Variants in SMARCA2 observed in about 807,000 individuals in gnomAD.
The protein encoded by SMARCA2 is SWI/SNF related BAF chromatin remodeling complex subunit ATPase 2.
SMARCA2 carries 61 observed loss-of-function variants against 199.8 expected under a neutral mutation model. The observed-to-expected ratio is 0.31, with a 90% CI of 0.25 to 0.38. SMARCA2 has a LOEUF of 0.38. Among genes scored for constraint, SMARCA2 ranks in the 10% least tolerant of loss-of-function variants. The pLI is 1.00. For synonymous variants in SMARCA2, 935 were observed against 732.0 expected (o/e 1.28, Z -4.48); for missense variants, 1,344 against 2,012.2 (o/e 0.67, Z 6.35).
intron 5 of SMARCA2, among the ~76,000 whole-genome samples, chr9:2,048,238 A>G (rs1318660249): frequency 3.9e-5 from 6 of 152,158 alleles, no homozygotes; most frequent in Non-Finnish European, 5.9e-5. Context: ...TGTCAACCCA[A>G]AAGGGAGTCC....
intron 2 of SMARCA2, 44 bp downstream of exon 2, chr9:2,029,291 G>A (rs755552394): frequency 6.4e-7 from 1 of 1,570,512 alleles, no homozygotes; most frequent in South Asian, 1.2e-5. Flanking sequence ...CTGATAAGTG[G>A]ATGGCTAATA....
intron 31 of SMARCA2, among the ~76,000 whole-genome samples, chr9:2,182,980 G>A (rs1026789150): frequency 6.6e-6 from 1 of 151,672 alleles, no homozygotes; most frequent in South Asian, 2.1e-4. Context: ...TAGTAGAGAC[G>A]GGGTTTCACC....
chr9:2,130,516 T>C (rs1197975887), intron 27 of SMARCA2, among the ~76,000 whole-genome samples: 2 of 152,214 alleles, frequency 1.3e-5, no homozygotes, highest in African/African-American at 2.4e-5. Context: ...CTCAAGGCAA[T>C]GAGTAACTCT....
intron 10 of SMARCA2, among the ~76,000 whole-genome samples, chr9:2,071,159 G>C (rs1821070184): frequency 6.6e-6 from 1 of 152,160 alleles, no homozygotes; most frequent in Admixed American, 6.5e-5. Flanking sequence ...AAACCTACTT[G>C]GAGGATCAGA....
intron 29 of SMARCA2, among the ~76,000 whole-genome samples, chr9:2,171,422 C>A (rs1342250433): frequency 6.6e-6 from 1 of 152,140 alleles, no homozygotes; most frequent in Non-Finnish European, 1.5e-5. Flanking sequence ...TTGTGGTATT[C>A]TTCTTTATAT....
chr9:2,123,963 C>A lies in SMARCA2; in HGVS notation c.3981+26C>A. The A allele has an allele frequency of 6.5e-7, 1 of 1,532,306 alleles. No homozygotes were observed. Among genetic ancestry groups the A allele is most frequent in the South Asian group, 1.2e-5 (1 of 83,624 alleles). The allele number at this position is 1,532,306 out of a possible 1,614,324, so 94.9% of individuals were successfully genotyped here. On this transcript the variant is annotated intron_variant, in intron 27 of 33. Coordinates refer to ENST00000349721, the MANE Select transcript of SMARCA2 (RefSeq NM_003070.5). This position sits in a 1 kb window ranked among gnomAD's most constrained non-coding sequence, Gnocchi z 4.1. ...GTAAGCCTAGCTTTTCTAACCCGCTCTCACTAGGTGGAGGGTTTTTGGTGG... is the reference window on the plus strand; with the variant it reads ...GTAAGCCTAGCTTTTCTAACCCGCTATCACTAGGTGGAGGGTTTTTGGTGG...
chr9:2,175,817 G>A (rs1300463196), intron 29 of SMARCA2, among the ~76,000 whole-genome samples: 3 of 151,906 alleles, frequency 2.0e-5, no homozygotes, highest in African/African-American at 7.3e-5. Flanking sequence ...TTAAATCCTT[G>A]TTGAGGTTGA....
intron 4 of SMARCA2, chr9:2,042,006 C>T (rs142196360): frequency 3.3e-5 from 5 of 152,246 alleles, no homozygotes; most frequent in African/African-American, 1.2e-4. Context: ...TGTTCTTAAC[C>T]ACTTTCCCAT....
chr9:2,048,770 G>A (rs567136144), intron 5 of SMARCA2, among the ~76,000 whole-genome samples: 72 of 152,264 alleles, frequency 4.7e-4, no homozygotes, highest in African/African-American at 1.6e-3. Flanking sequence ...TTCCCAGAGA[G>A]CTAGATACTC....
intron 29 of SMARCA2, among the ~76,000 whole-genome samples, chr9:2,171,874 A>T (rs1388794245): frequency 2.6e-5 from 4 of 152,194 alleles, no homozygotes. Context: ...TGACCACGAA[A>T]AGTAGATCAA....
intron 17 of SMARCA2, among the ~76,000 whole-genome samples, chr9:2,084,601 G>T (rs554585156): frequency 6.6e-6 from 1 of 152,086 alleles, no homozygotes; most frequent in African/African-American, 2.4e-5. Context: ...CATTCTTCTT[G>T]TGCCTTTGTT....
intron 4 of SMARCA2, chr9:2,040,114 G>T (rs2130252138): frequency 1.0e-6 from 1 of 1,000,640 alleles, no homozygotes; most frequent in East Asian, 2.6e-5. Context: ...CTTAAAAGGT[G>T]GTTGTGCAAG....
chr9:2,188,208 A>G (rs1003604334), intron 32 of SMARCA2, among the ~76,000 whole-genome samples: 1 of 152,166 alleles, frequency 6.6e-6, no homozygotes, highest in African/African-American at 2.4e-5. Context: ...ACATATTAAC[A>G]TTCATTAATG....
rs2130525909 is a variant in SMARCA2, at chr9:2,096,740, A to G, written c.2967A>G (p.Thr989=). 3.1e-6 allele frequency: 5 copies of G among 1,612,320 alleles called. No individual in the cohort carries two copies. The East Asian group carries it at 8.9e-5, about 29-fold the overall frequency. ...TGCAAGCCAAGGGGATCCTTCTCAC[A>G]GATGGTTCTGAGAAAGATAAGAAGG... ...RHMQAKGILL[T]DGSEKDKKGK... is the part of the protein sequence containing the mutation. The change falls in exon 20 of 34, where the codon ACA becomes ACG. Residue 989 remains threonine, a synonymous_variant. Coordinates refer to ENST00000349721, the MANE Select transcript of SMARCA2 (RefSeq NM_003070.5).
chr9:2,170,543 A>G lies in SMARCA2; in HGVS notation c.4253+71A>G. 10 of 1,610,896 alleles carry G rather than the reference A, an allele frequency of 6.2e-6. No individual in the cohort carries two copies. The highest frequency in any genetic ancestry group is 2.2e-5 in the East Asian group (1 of 44,776). On this transcript the variant is annotated intron_variant, in intron 29 of 33. Coordinates refer to ENST00000349721, the MANE Select transcript of SMARCA2 (RefSeq NM_003070.5). The surrounding 1 kb of genome is among the most constrained non-coding windows in gnomAD (Gnocchi z 4.7). ...CTCGTTACGTGAAACAGATTGAATC[A>G]TATAATCGGCCTTTGGAAGCAAATT...
chr9:2,084,916 T>G (rs1465613139), intron 17 of SMARCA2, among the ~76,000 whole-genome samples: 1 of 152,210 alleles, frequency 6.6e-6, no homozygotes, highest in Admixed American at 6.5e-5. Context: ...ATGGAAGTGC[T>G]CTCTTTCGTG....
chr9:2,084,370 CTGTGTG>C (rs3057851), intron 17 of SMARCA2, among the ~76,000 whole-genome samples, 174 bp downstream of exon 17: 1,392 of 132,394 alleles, frequency 0.011, 17 homozygotes, highest in African/African-American at 0.025. Flanking sequence ...TTCATGCATG[CTGTGTG>C]TGTGTGTGTG....
chr9:2,114,175 G>A (rs562139625), intron 24 of SMARCA2, among the ~76,000 whole-genome samples: 5 of 152,282 alleles, frequency 3.3e-5, no homozygotes, highest in East Asian at 1.9e-4. Flanking sequence ...GAACTTTAGG[G>A]TGTTTTAAAG....
intron 12 of SMARCA2, chr9:2,075,125 C>G (rs1369811018): frequency 1.3e-5 from 2 of 152,334 alleles, no homozygotes; most frequent in African/African-American, 4.8e-5. Flanking sequence ...TCACATGGGT[C>G]TGCTGCAGGT....
Sources: allele counts gnomAD v4.1 joint callset (sites outside exome capture counted in the v4.1 genomes callset), GRCh38; gene constraint gnomAD v4.1.1; non-coding constraint Gnocchi (gnomAD v3.1); transcripts MANE v1.5; gene names NCBI Gene and HGNC (gene_info 2026-07-23, HGNC 2026-07-21).